Variants in TTN observed in about 807,000 individuals in gnomAD.
TTN encodes the protein titin, also known as connectin.
TTN carries 1,525 observed loss-of-function variants against 3,223.0 expected under a neutral mutation model. That is an observed-to-expected ratio of 0.47 (90% CI 0.45 to 0.49). TTN has a LOEUF of 0.49. Among genes scored for constraint, TTN ranks in the 20% least tolerant of loss-of-function variants. TTN has a pLI of 0.00. For missense variants in TTN, 40,786 were observed against 43,424.0 expected (o/e 0.94, Z 5.40); for synonymous variants, 14,094 against 15,161.0 (o/e 0.93, Z 5.17).
rs1702904098 is a variant in TTN at position 178,559,707 on chromosome 2, A to T, written c.86425T>A (p.Ser28809Thr). The T allele has an allele frequency of 6.2e-7, 1 of 1,605,896 alleles. No individual in the cohort carries two copies. Among genetic ancestry groups the T allele is most frequent in the Non-Finnish European group, 8.5e-7 (1 of 1,175,650 alleles). The change falls in exon 326 of 363, where the codon TCA becomes ACA. Residue 28809 changes from serine to threonine, a missense_variant. Coordinates refer to ENST00000589042, the MANE Select transcript of TTN (RefSeq NM_001267550.2). Reference protein sequence around the residue: ...AYVDTTDSRTSLTIENANRND... With the variant: ...AYVDTTDSRTTLTIENANRND... ...CTGTTGGCATTTTCAATGGTCAGTGATGTACGAGAGTCTGTGGTATCAACA... is the reference window on the plus strand; with the variant it reads ...CTGTTGGCATTTTCAATGGTCAGTGTTGTACGAGAGTCTGTGGTATCAACA...
intron 13 of TTN, among the ~76,000 whole-genome samples, chr2:178,787,573 T>C (rs556649789): frequency 1.2e-4 from 19 of 152,164 alleles, no homozygotes; most frequent in Non-Finnish European, 2.8e-4. Flanking sequence ...TTGAACCTTT[T>C]AGCCAGTCTG....
rs1439095726 is a variant in TTN, at chr2:178,718,508, T to C, written c.24598A>G (p.Ile8200Val). 6.2e-7 allele frequency: 1 copy of C among 1,613,764 alleles called. No homozygotes were observed. The highest frequency in any genetic ancestry group is 1.1e-5 in the South Asian group (1 of 91,076). Residue 8200 changes from isoleucine to valine, a missense_variant, in exon 85 of 363, where the codon ATC becomes GTC. Ile to Val is a conservative substitution (Grantham distance 29, BLOSUM62 3). Coordinates refer to ENST00000589042, the MANE Select transcript of TTN (RefSeq NM_001267550.2). Reference sequence around the variant, plus strand: ...TCGTCCTTTATCCAGCTCACTGAGATTGGAGGTGTGCCAGTGTATGTGGCC... The same window carrying C: ...TCGTCCTTTATCCAGCTCACTGAGACTGGAGGTGTGCCAGTGTATGTGGCC... The part of the protein sequence containing the change: ...LEATYTGTPP[I>V]SVSWIKDEYL...
intron 88 of TTN, among the ~76,000 whole-genome samples, chr2:178,716,241 T>A (rs1316724895): frequency 6.6e-6 from 1 of 152,156 alleles, no homozygotes; most frequent in African/African-American, 2.4e-5. Context: ...TATCTTAATA[T>A]TTTTAAAATG....
intron 161 of TTN, 34 bp downstream of exon 161, chr2:178,667,408 A>G (rs1560218818): frequency 1.9e-6 from 3 of 1,582,532 alleles, no homozygotes; most frequent in Non-Finnish European, 2.6e-6. Context: ...AAAGCTAAAG[A>G]TACTCATCTG....
In TTN at chr2:178,570,405, C is replaced by T. The variant is rs1114167338; in HGVS notation, c.75727G>A (p.Glu25243Lys). 1.2e-6 allele frequency: 2 copies of T among 1,613,148 alleles called. No individual in the cohort carries two copies. Among genetic ancestry groups the T allele is most frequent in the East Asian group, 4.5e-5 (2 of 44,694 alleles). The change falls in exon 326 of 363, where the codon GAA becomes AAA. Residue 25243 changes from glutamate (E) to lysine (K), a missense_variant. Transcript: ENST00000589042. ...GGSDIINYIV[E>K]RRETSRLVWT... is the part of the protein sequence containing the mutation. ...ACTAAGCGGCTGGTTTCTCTCCTTT[C>T]CACAATATAATTTATGATGTCACTC...
rs1213561769 is a variant in TTN at position 178,588,954 on chromosome 2, G to C, written c.62771C>G (p.Thr20924Arg). 4.3e-6 allele frequency: 7 copies of C among 1,612,610 alleles called. No individual in the cohort carries two copies. The highest frequency in any genetic ancestry group is 5.9e-6 in the Non-Finnish European group (7 of 1,179,410). Residue 20924 changes from threonine (T) to arginine (R), a missense_variant, in exon 304 of 363, where the codon ACA becomes AGA. Coordinates refer to ENST00000589042, the MANE Select transcript of TTN (RefSeq NM_001267550.2). ...YSATVLTPGT[T>R]VTRLIEGNEY... ...ATTTCCTTCTATGAGACGTGTTACT[G>C]TAGTACCAGGTGTCAAGACAGTAGC...
intron 37 of TTN, 87 bp from the exon 38 acceptor site, chr2:178,769,020 T>A: frequency 6.9e-7 from 1 of 1,446,172 alleles, no homozygotes; most frequent in Non-Finnish European, 9.5e-7. Flanking sequence ...AAATTTGGAA[T>A]GTTTTTAGTG....
chr2:178,604,605 T>C (rs1351808613), intron 281 of TTN, 103 bp downstream of exon 281: 22 of 1,247,876 alleles, frequency 1.8e-5, no homozygotes, highest in Non-Finnish European at 2.3e-5. Flanking sequence ...TTATCGTGTG[T>C]GGTTTTGAGT....
chr2:178,598,189 T>A, intron 292 of TTN, 131 bp from the exon 293 acceptor site: 1 of 1,097,754 alleles, frequency 9.1e-7, no homozygotes, highest in Non-Finnish European at 1.3e-6. Context: ...GGTTTAGGTT[T>A]TAGGGATCAG....
At chr2:178,649,428 T>C in intron 212 of TTN, 97 bp from the exon 213 acceptor site, 1 of 1,345,918 alleles carries the variant, frequency 7.4e-7, no homozygotes, top group Non-Finnish European at 9.9e-7. Context: ...GCATTAAAAT[T>C]AATGAAAGCA....
rs762648748 is a variant in TTN at position 178,588,626 on chromosome 2, T to C, written c.63099A>G (p.Glu21033=). Residue 21033 remains glutamate, a synonymous_variant, in exon 304 of 363, where the codon GAA becomes GAG. Coordinates refer to ENST00000589042, the MANE Select transcript of TTN (RefSeq NM_001267550.2). ...MKVQNLLPDH[E]YQFRVKAENE... The stretch of plus-strand genomic sequence containing the variant: ...TTTCTGCCTTGACACGGAACTGATA[T>C]TCATGGTCTGGGAGGAGATTCTGTA... The C allele has an allele frequency of 3.8e-6, 6 of 1,598,574 alleles. No individual in the cohort carries two copies. The East Asian group carries it at 6.7e-5, about 18-fold the overall frequency.
rs975713554 is a variant in TTN at position 178,543,329 on chromosome 2, G to A, written c.96644C>T (p.Thr32215Ile). ...CCAGGCAAGGGTAACAGTGGATTTG[G>A]TGACATCGACCACTTCTAGCTTTGC... ...VPAKLEVVDV[T>I]KSTVTLAWEK... Residue 32215 changes from threonine (T) to isoleucine (I), a missense_variant, in exon 347 of 363, where the codon ACC becomes ATC. By Grantham distance (89) the Thr-to-Ile change is moderately conservative. Transcript: ENST00000589042. 6.2e-7 allele frequency: 1 copy of A among 1,613,830 alleles called. No homozygotes were observed. Among genetic ancestry groups the A allele is most frequent in the Non-Finnish European group, 8.5e-7 (1 of 1,179,810 alleles).
At chr2:178,804,715 T>C in intron 1 of TTN, 60 bp from the exon 2 acceptor site, 1 of 1,475,110 alleles carries the variant, frequency 6.8e-7, no homozygotes. Flanking sequence ...TGGAGCTGCT[T>C]TGCAGATAGC....
rs1020011607 is a variant in TTN, at chr2:178,548,010, T to G, written c.93616A>C (p.Ile31206Leu). The change falls in exon 339 of 363, where the codon ATT becomes CTT. Residue 31206 changes from isoleucine (I) to leucine (L), a missense_variant. Ile to Leu is a conservative substitution (Grantham distance 5). Coordinates refer to ENST00000589042, the MANE Select transcript of TTN (RefSeq NM_001267550.2). The surrounding 1 kb of genome is among the most constrained non-coding windows in gnomAD (Gnocchi z 4.3). Reference sequence around the variant, plus strand: ...GTGGGCTCGATTTGAGGCTCCTTAATGATGACAGAAGAGAAGGCTTCTCTG... The same window carrying G: ...GTGGGCTCGATTTGAGGCTCCTTAAGGATGACAGAAGAGAAGGCTTCTCTG... ...EPREAFSSVI[I>L]KEPQIEPTAD... 1.9e-6 allele frequency: 3 copies of G among 1,613,760 alleles called. No individual in the cohort carries two copies. The highest frequency in any genetic ancestry group is 1.7e-6 in the Non-Finnish European group (2 of 1,179,776).
chr2:178,730,956 C>T lies in TTN; in HGVS notation c.17709G>A (p.Arg5903=). The change falls in exon 60 of 363, where the codon AGG becomes AGA. Residue 5903 remains arginine (R), a synonymous_variant. Coordinates refer to ENST00000589042, the MANE Select transcript of TTN (RefSeq NM_001267550.2). ...CATTAATTCTAGCCTTGCAGCTGCT[C>T]CTCCCAACATCATTTTGGACCTCGA... ...YTFEVQNDVG[R]SSCKARINVL... 6.2e-7 allele frequency: 1 copy of T among 1,610,260 alleles called. No homozygotes were observed. Among genetic ancestry groups the T allele is most frequent in the South Asian group, 1.1e-5 (1 of 90,584 alleles).
chr2:178,664,921 C>G lies in TTN; in HGVS notation c.36049G>C (p.Glu12017Gln), dbSNP rs777140466. Residue 12017 changes from glutamate (E) to glutamine (Q), a missense_variant, in exon 166 of 363, where the codon GAA (glutamate) becomes CAA (glutamine). Transcript: ENST00000589042. Reference protein sequence around the residue: ...EPETPRMKTPEAPQEIIPAKT... With the variant: ...EPETPRMKTPQAPQEIIPAKT... ...GCAGGAATAATTTCTTGAGGAGCTT[C>G]GGGCGCTTGAAAGATATTAGCAATT... 4.4e-6 allele frequency: 7 copies of G among 1,606,662 alleles called. No homozygotes were observed. The highest frequency in any genetic ancestry group is 5.1e-6 in the Non-Finnish European group (6 of 1,177,340).
rs993944039 is a variant in TTN, at chr2:178,738,418, GT to G, written c.14093-59del. 34 of 1,516,886 alleles carry G rather than the reference GT, an allele frequency of 2.2e-5. No homozygotes were observed. The African/African-American group carries it at 4.0e-4, about 18-fold the overall frequency. 94.0% of individuals were successfully genotyped at this position (1,516,886 alleles called of 1,614,324 possible). ...TCCTTATCAGGCATATGACATTTTTGTTTTTCTTCTAACTTTTGTTGCTGTT... is the reference window on the plus strand; with the variant it reads ...TCCTTATCAGGCATATGACATTTTTGTTTTCTTCTAACTTTTGTTGCTGTT... On this transcript the variant is annotated intron_variant, in intron 48 of 362. Coordinates refer to ENST00000589042, the MANE Select transcript of TTN (RefSeq NM_001267550.2).
Position 178,546,896 on chromosome 2 carries a change from C to T in TTN, c.94532G>A (p.Gly31511Asp). The T allele has an allele frequency of 6.3e-7, 1 of 1,584,932 alleles. No homozygotes were observed. The highest frequency in any genetic ancestry group is 2.2e-5 in the East Asian group (1 of 44,452). ...TGTGACATCTGTCACCTCTGGTCTG[C>T]CTGGTGCATCTGGAAGGGATGCAAA... ...IMAQNPVDAP[G>D]RPEVTDVTRS... The change falls in exon 341 of 363, where the codon GGC (glycine) becomes GAC (aspartate). Residue 31511 changes from glycine to aspartate, a missense_variant. Gly to Asp is a moderately conservative substitution (Grantham distance 94). Transcript: ENST00000589042.
chr2:178,539,313 T>G (rs1170413770), intron 352 of TTN, 62 bp from the exon 353 acceptor site: 2 of 1,594,534 alleles, frequency 1.3e-6, no homozygotes, highest in Admixed American at 1.7e-5. Context: ...TATAAGCCAA[T>G]GACTTTCATT....
Sources: allele counts gnomAD v4.1 joint callset (sites outside exome capture counted in the v4.1 genomes callset), GRCh38; gene constraint gnomAD v4.1.1; non-coding constraint Gnocchi (gnomAD v3.1); transcripts MANE v1.5; gene names NCBI Gene and HGNC (gene_info 2026-07-23, HGNC 2026-07-21).